The following BCAS3 variants were observed in gnomAD, a reference collection of about 807,000 sequenced individuals.
BCAS3 encodes BCAS3 microtubule associated cell migration factor.
Under a neutral mutation model 116.1 loss-of-function variants are expected in BCAS3, and 53 were observed. That is an observed-to-expected ratio of 0.46 (90% CI 0.37 to 0.57). The LOEUF (loss-of-function observed/expected upper bound fraction) is 0.57. Among genes scored for constraint, BCAS3 ranks in the 20% least tolerant of loss-of-function variants. The pLI is 0.00. For missense variants in BCAS3, 917 were observed against 1,165.4 expected, an observed-to-expected ratio of 0.79 and a Z score of 3.10; for synonymous variants, 391 against 408.2, an observed-to-expected ratio of 0.96 and a Z score of 0.51.
At chr17:60,680,091 G>T (rs1382425209) in intron 2 of BCAS3, among the ~76,000 whole-genome samples, 2 of 133,646 alleles carry the variant, frequency 1.5e-5, no homozygotes, top group Non-Finnish European at 3.0e-5. Context: ...CTGAGATCGC[G>T]CCACTGCACC....
At chr17:60,703,024 C>A (rs1409519391) in intron 4 of BCAS3, among the ~76,000 whole-genome samples, 2 of 151,920 alleles carry the variant, frequency 1.3e-5, no homozygotes, top group Non-Finnish European at 2.9e-5. Flanking sequence ...GCTGTAATCC[C>A]AGCACTTTGG....
rs182703722 is a variant in BCAS3 at position 61,285,117 on chromosome 17, A to G, written c.2426-83210A>G. On this transcript the variant is annotated intron_variant, in intron 22 of 23. Coordinates refer to ENST00000407086, the MANE Select transcript of BCAS3 (RefSeq NM_017679.5). This position sits in a 1 kb window ranked among gnomAD's most constrained non-coding sequence, Gnocchi z 5.4. ...CTTCTGTCCCCTAGTGATTCAAACCAGCTATCCTGAAACTGCTTCCACCTG... is the reference window on the plus strand; with the variant it reads ...CTTCTGTCCCCTAGTGATTCAAACCGGCTATCCTGAAACTGCTTCCACCTG... Among the ~76,000 whole-genome samples, 2 of 152,276 alleles carry G rather than the reference A, an allele frequency of 1.3e-5. No homozygotes were observed. Among genetic ancestry groups the G allele is most frequent in the East Asian group, 3.9e-4 (2 of 5,172 alleles).
chr17:60,992,795 CTT>C (rs1445718423), intron 15 of BCAS3, among the ~76,000 whole-genome samples: 1 of 152,104 alleles, frequency 6.6e-6, no homozygotes, highest in Admixed American at 6.5e-5. Flanking sequence ...TTATTTCAGA[CTT>C]AGTTACATTT....
intron 6 of BCAS3, among the ~76,000 whole-genome samples, chr17:60,760,353 G>A (rs1411372230): frequency 6.6e-6 from 1 of 151,932 alleles, no homozygotes; most frequent in Admixed American, 6.6e-5. Context: ...TTCATGTTTA[G>A]GACTCCTTTG....
intron 6 of BCAS3, among the ~76,000 whole-genome samples, chr17:60,803,885 T>A (rs2048036415): frequency 7.4e-6 from 1 of 134,534 alleles, no homozygotes; most frequent in African/African-American, 2.7e-5. Flanking sequence ...CACCACAACC[T>A]CTGCTTCCCG....
chr17:60,711,314 C>A (rs945213180), intron 5 of BCAS3, among the ~76,000 whole-genome samples: 3 of 151,772 alleles, frequency 2.0e-5, no homozygotes, highest in Non-Finnish European at 4.4e-5. Context: ...GTTCCAAAGG[C>A]GTGGAGAAAG....
At chr17:60,799,961 T>C (rs962135015) in intron 6 of BCAS3, among the ~76,000 whole-genome samples, 2 of 152,102 alleles carry the variant, frequency 1.3e-5, no homozygotes, top group African/African-American at 4.8e-5. Flanking sequence ...TAGTATTTCC[T>C]GGTATGGATG....
chr17:60,785,694 A>G (rs1186098522), intron 6 of BCAS3, among the ~76,000 whole-genome samples: 1 of 152,208 alleles, frequency 6.6e-6, no homozygotes, highest in Non-Finnish European at 1.5e-5. Context: ...GAGAATAATA[A>G]GATACAGAGC....
At chr17:61,304,337 T>C (rs537385995) in intron 22 of BCAS3, among the ~76,000 whole-genome samples, 1 of 152,386 alleles carries the variant, frequency 6.6e-6, no homozygotes, top group South Asian at 2.1e-4. Context: ...TAGCAAGGCC[T>C]GCAAAACCTT....
At chr17:60,796,593 A>G (rs1057036809) in intron 6 of BCAS3, among the ~76,000 whole-genome samples, 3 of 152,114 alleles carry the variant, frequency 2.0e-5, no homozygotes, top group Non-Finnish European at 2.9e-5. Flanking sequence ...TAGTGAGGTT[A>G]TTTGGATTTT....
rs377373249 is a variant in BCAS3, at chr17:61,128,967, G to A, written c.2425+44403G>A. 3.5e-4 allele frequency among the ~76,000 whole-genome samples: 53 copies of A among 152,318 alleles called. No homozygotes were observed. Among genetic ancestry groups the A allele is most frequent in the Non-Finnish European group, 6.9e-4 (47 of 68,034 alleles). ...GGGACAGGGCTATATTGAGTTCTCCGCAGTTTTCTAACAGAGAGATTTAGT... is the reference window on the plus strand; with the variant it reads ...GGGACAGGGCTATATTGAGTTCTCCACAGTTTTCTAACAGAGAGATTTAGT... On this transcript the variant is annotated intron_variant, in intron 22 of 23. Coordinates refer to ENST00000407086, the MANE Select transcript of BCAS3 (RefSeq NM_017679.5). The surrounding 1 kb of genome is among the most constrained non-coding windows in gnomAD (Gnocchi z 4.1).
At chr17:61,042,912 A>AAAAAAAAG (rs1555682974) in intron 19 of BCAS3, among the ~76,000 whole-genome samples, 12 of 143,802 alleles carry the variant, frequency 8.3e-5, no homozygotes, top group African/African-American at 2.4e-4. Context: ...AAAAAAAAAA[A>AAAAAAAAG]AAAGAAAGAA....
rs151126163 is a variant in BCAS3 at position 61,233,722 on chromosome 17, T to A, written c.2426-134605T>A. ...GATTAGGCTAGCTCTTCGTCAAACCTCCCTTCTCAATTCACCTTCCTAAGC... is the reference window on the plus strand; with the variant it reads ...GATTAGGCTAGCTCTTCGTCAAACCACCCTTCTCAATTCACCTTCCTAAGC... On this transcript the variant is annotated intron_variant, in intron 22 of 23. Transcript: ENST00000407086. The surrounding 1 kb of genome is among the most constrained non-coding windows in gnomAD (Gnocchi z 4.3). Among the ~76,000 whole-genome samples, 2 of 152,352 alleles carry A rather than the reference T, an allele frequency of 1.3e-5. No homozygotes were observed. Among genetic ancestry groups the A allele is most frequent in the East Asian group, 3.9e-4 (2 of 5,176 alleles).
At chr17:60,932,840 A>G (rs2059730506) in intron 13 of BCAS3, among the ~76,000 whole-genome samples, 4 of 151,968 alleles carry the variant, frequency 2.6e-5, no homozygotes, top group Non-Finnish European at 5.9e-5. Flanking sequence ...TACATATCAC[A>G]GATAACTAAA....
intron 6 of BCAS3, among the ~76,000 whole-genome samples, chr17:60,758,077 T>A (rs2043171534): frequency 1.3e-5 from 2 of 152,190 alleles, no homozygotes; most frequent in African/African-American, 4.8e-5. Context: ...ATACATGGAT[T>A]TATTTCTAGA....
rs1299403402 is a variant in BCAS3, at chr17:60,802,295, A to AAAT, written c.404-5708_404-5707insATA. Reference sequence around the variant, plus strand: ...TGAGACTCTGTCTCAAAAAAAAAAAAATATATATATATATATATATATGCA... The same window carrying AAAT: ...TGAGACTCTGTCTCAAAAAAAAAAAAAATATATATATATATATATATATATGCA... On this transcript the variant is annotated intron_variant, in intron 6 of 23. Coordinates refer to ENST00000407086, the MANE Select transcript of BCAS3 (RefSeq NM_017679.5). 4.9e-3 allele frequency among the ~76,000 whole-genome samples: 625 copies of AAAT among 127,924 alleles called. 3 individuals are homozygous for AAAT. The highest frequency in any genetic ancestry group is 0.011 in the African/African-American group (302 of 27,520). The allele number at this position is 127,924 out of a possible 152,430, so 83.9% of individuals were successfully genotyped here.
chr17:61,257,462 C>T (rs1228750440), intron 22 of BCAS3, among the ~76,000 whole-genome samples: 2 of 150,708 alleles, frequency 1.3e-5, no homozygotes, highest in Admixed American at 6.6e-5. Context: ...TCTGGCATTC[C>T]ACCCATGTCT....
chr17:61,353,829 C>G (rs61515613), intron 22 of BCAS3: 39,746 of 152,090 alleles, frequency 0.26, 6,127 homozygotes, highest in East Asian at 0.63. Context: ...CATGTCAAGG[C>G]AGGAAATGAC....
In BCAS3 at chr17:61,376,349, C is replaced by T. The variant is rs1428922396; in HGVS notation, c.2593+7855C>T. Among the ~76,000 whole-genome samples the T allele has an allele frequency of 6.6e-6, 1 of 152,134 alleles. No homozygotes were observed. The highest frequency in any genetic ancestry group is 1.5e-5 in the Non-Finnish European group (1 of 68,018). ...TCACAGGGCCATCGTGGCTCATAGC[C>T]CCATAGGTCACATTCCCTGCTTCCC... On this transcript the variant is annotated intron_variant, in intron 23 of 23. Coordinates refer to ENST00000407086, the MANE Select transcript of BCAS3 (RefSeq NM_017679.5). This position sits in a 1 kb window ranked among gnomAD's most constrained non-coding sequence, Gnocchi z 4.5.
Sources: allele counts gnomAD v4.1 joint callset (sites outside exome capture counted in the v4.1 genomes callset), GRCh38; gene constraint gnomAD v4.1.1; non-coding constraint Gnocchi (gnomAD v3.1); transcripts MANE v1.5; gene names NCBI Gene and HGNC (gene_info 2026-07-23, HGNC 2026-07-21).